Variants in MRPL17 observed in about 807,000 individuals in gnomAD.
MRPL17 encodes the protein mitochondrial ribosomal protein L17, also known as large ribosomal subunit protein bL17m.
In MRPL17, 8 loss-of-function variants were observed where a neutral mutation model predicts 12.0. The observed-to-expected ratio is 0.67, with a 90% CI of 0.39 to 1.21. MRPL17 has a LOEUF of 1.21. MRPL17 is among the 50% of genes most tolerant of loss of function. The pLI, the probability that MRPL17 is intolerant of heterozygous loss-of-function variation, is 0.01. For missense variants in MRPL17, 263 were observed against 234.4 expected (o/e 1.12, Z -0.80); for synonymous variants, 107 against 92.9 (o/e 1.15, Z -0.87).
At position 6,682,140 on chromosome 11, in the gene MRPL17, G is replaced by A. The variant is rs1846571696; in HGVS notation, c.506C>T (p.Thr169Ile). Residue 169 changes from threonine (T) to isoleucine (I), a missense_variant, in exon 3 of 3, where the codon ACA becomes ATA. Physicochemically the swap from Thr to Ile is moderately conservative, Grantham distance 89. Transcript: ENST00000288937. ...SQEASNHSSH[T>I]AQTPGI The stretch of plus-strand genomic sequence containing the variant: ...CAGTTAAATCCCTGGTGTTTGAGCT[G>A]TGTGGGAGCTGTGGTTGCTTGCTTC... The A allele has an allele frequency of 1.2e-6, 2 of 1,613,522 alleles. No homozygotes were observed. The highest frequency in any genetic ancestry group is 1.7e-6 in the Non-Finnish European group (2 of 1,179,726).
At position 6,682,785 on chromosome 11, in the gene MRPL17, T is replaced by C; in HGVS notation, c.205A>G (p.Asn69Asp). 5 of 1,614,132 alleles carry C rather than the reference T, an allele frequency of 3.1e-6. No individual in the cohort carries two copies. The highest frequency in any genetic ancestry group is 1.1e-5 in the South Asian group (1 of 91,082). ...TCAGCCATGCGCATGGCTCGTTCGTTAGTGTCTCCCAGCTTCCCATAGTCG... is the reference window on the plus strand; with the variant it reads ...TCAGCCATGCGCATGGCTCGTTCGTCAGTGTCTCCCAGCTTCCCATAGTCG... ...LIDYGKLGDT[N>D]ERAMRMADFW... The change falls in exon 2 of 3, where the codon AAC (asparagine) becomes GAC (aspartate). Residue 69 changes from asparagine to aspartate, a missense_variant. By Grantham distance (23) the Asn-to-Asp change is conservative (BLOSUM62 1). Coordinates refer to ENST00000288937, the MANE Select transcript of MRPL17 (RefSeq NM_022061.4).
In MRPL17 at chr11:6,682,728, G is replaced by C; in HGVS notation, c.243+19C>G. ...GGGAGCAAAGGGTGGGATTTTGAAG[G>C]CAGATAGGTCGCACTCACTGTGAGC... On this transcript the variant is annotated intron_variant, in intron 2 of 2. Coordinates refer to ENST00000288937, the MANE Select transcript of MRPL17 (RefSeq NM_022061.4). 3 of 1,613,050 alleles carry C rather than the reference G, an allele frequency of 1.9e-6. No homozygotes were observed. Among genetic ancestry groups the C allele is most frequent in the Non-Finnish European group, 2.5e-6 (3 of 1,179,026 alleles).
At chr11:6,682,515 C>T (rs973970238) in intron 2 of MRPL17, 113 bp from the exon 3 acceptor site, 3 of 1,260,606 alleles carry the variant, frequency 2.4e-6, no homozygotes, top group African/African-American at 3.0e-5. Context: ...ACCTCCCCCT[C>T]CCCTCGCCAA....
rs371334523 is a variant in MRPL17 at position 6,682,421 on chromosome 11, A to G, written c.244-19T>C. The G allele has an allele frequency of 6.2e-7, 1 of 1,607,138 alleles. No individual in the cohort carries two copies. Among genetic ancestry groups the G allele is most frequent in the Non-Finnish European group, 8.5e-7 (1 of 1,174,796 alleles). ...CCTTCTCCTAGAGGGAGAATTATCC[A>G]AGAGACAGCAGAGTCAGGCAAAACT... On this transcript the variant is annotated intron_variant, in intron 2 of 2. Transcript: ENST00000288937.
rs1221394808 is a variant in MRPL17 at position 6,682,239 on chromosome 11, G to T, written c.407C>A (p.Pro136His). 6.2e-7 allele frequency: 1 copy of T among 1,614,052 alleles called. No individual in the cohort carries two copies. Among genetic ancestry groups the T allele is most frequent in the Non-Finnish European group, 8.5e-7 (1 of 1,180,038 alleles). ...GAGTGTAAGGTGGCTGTCTCTGCGA[G>T]GCAGAGGCAGGGGTGGGAGGCAATT... ...KGNCLPPLPL[P>H]RRDSHLTLLN... The change falls in exon 3 of 3, where the codon CCT (proline) becomes CAT (histidine). Residue 136 changes from proline (P) to histidine (H), a missense_variant. Transcript: ENST00000288937.
chr11:6,682,883 G>T, intron 1 of MRPL17, 68 bp from the exon 2 acceptor site: 1 of 1,494,444 alleles, frequency 6.7e-7, no homozygotes, highest in Non-Finnish European at 9.2e-7. Context: ...TTTCTCTAAT[G>T]CCGGAAGGCA....
Position 6,682,805 on chromosome 11 carries a change from T to C in MRPL17, c.185A>G (p.Tyr62Cys), listed in dbSNP as rs199522130. 9.2e-5 allele frequency: 149 copies of C among 1,614,058 alleles called. No homozygotes were observed. The highest frequency in any genetic ancestry group is 6.8e-4 in the Admixed American group (41 of 60,016). The change falls in exon 2 of 3, where the codon TAT (tyrosine) becomes TGT (cysteine). Residue 62 changes from tyrosine to cysteine, a missense_variant. By Grantham distance (194) the Tyr-to-Cys change is radical (BLOSUM62 -2). Transcript: ENST00000288937. ...MRGYAEKLID[Y>C]GKLGDTNERA... ...TTCGTTAGTGTCTCCCAGCTTCCCA[T>C]AGTCGATGAGCTGTGAGGACATAAC...
intron 1 of MRPL17, 86 bp from the exon 2 acceptor site, chr11:6,682,901 C>T (rs1203108164): frequency 7.1e-7 from 1 of 1,404,406 alleles, no homozygotes; most frequent in Non-Finnish European, 9.9e-7. Context: ...GCAATCCATT[C>T]TTTCCACTAG....
intron 2 of MRPL17, 77 bp from the exon 3 acceptor site, chr11:6,682,479 G>A: frequency 2.0e-6 from 3 of 1,505,886 alleles, no homozygotes; most frequent in South Asian, 1.2e-5. Context: ...CATTCCCAAA[G>A]GTAAGGTCCA....
rs983014013 is a variant in MRPL17, at chr11:6,681,163, G to A, written c.*955C>T. The A allele has an allele frequency of 1.3e-5, 2 of 152,162 alleles. No homozygotes were observed. Among genetic ancestry groups the A allele is most frequent in the African/African-American group, 4.8e-5 (2 of 41,412 alleles). 9.4% of individuals were successfully genotyped at this position (152,162 alleles called of 1,614,324 possible). A position where few individuals can be genotyped will look rare whatever the true frequency, so the allele number is the denominator to read the frequency against. On this transcript the variant is annotated 3_prime_UTR_variant, in exon 3 of 3. Coordinates refer to ENST00000288937, the MANE Select transcript of MRPL17 (RefSeq NM_022061.4). ...TCAAGTGTTTGGACCAAGACTGATG[G>A]CTCCTTTCTAAGTCCTTCCATAACT...
At position 6,682,126 on chromosome 11, in the gene MRPL17, C is replaced by A. The variant is rs1846571488; in HGVS notation, c.520G>T (p.Gly174Trp). The change falls in exon 3 of 3, where the codon GGG (glycine) becomes TGG (tryptophan). Residue 174 changes from glycine to tryptophan, a missense_variant. Physicochemically the swap from Gly to Trp is radical, Grantham distance 184 (BLOSUM62 -2). Coordinates refer to ENST00000288937, the MANE Select transcript of MRPL17 (RefSeq NM_022061.4). ...NHSSHTAQTPGI is the reference protein window; with the variant it reads ...NHSSHTAQTPWI ...AGACTCTTCAGATCCAGTTAAATCC[C>A]TGGTGTTTGAGCTGTGTGGGAGCTG... The A allele has an allele frequency of 6.2e-7, 1 of 1,610,672 alleles. No homozygotes were observed.
Position 6,682,083 on chromosome 11 carries a change from G to T in MRPL17, c.*35C>A. 2 of 1,580,416 alleles carry T rather than the reference G, an allele frequency of 1.3e-6. No individual in the cohort carries two copies. Among genetic ancestry groups the T allele is most frequent in the Non-Finnish European group, 1.7e-6 (2 of 1,160,200 alleles). On this transcript the variant is annotated 3_prime_UTR_variant, in exon 3 of 3. Coordinates refer to ENST00000288937, the MANE Select transcript of MRPL17 (RefSeq NM_022061.4). ...GTGCTCCAAAGGCCTGTGATCATGG[G>T]TACTGATTAAGGGCTGCAGACTCTT...
In MRPL17 at chr11:6,680,950, C is replaced by T. The variant is rs528699864; in HGVS notation, c.*1168G>A. 2 of 152,350 alleles carry T rather than the reference C, an allele frequency of 1.3e-5. No homozygotes were observed. Among genetic ancestry groups the T allele is most frequent in the African/African-American group, 2.4e-5 (1 of 41,572 alleles). The allele number at this position is 152,350 out of a possible 1,614,324, so 9.4% of individuals were successfully genotyped here. ...ACTAAGGCAGCTACAGCTAAATTAG[C>T]ACCAGAATAGTTCGTTCTGTCACTG... On this transcript the variant is annotated 3_prime_UTR_variant, in exon 3 of 3. Coordinates refer to ENST00000288937, the MANE Select transcript of MRPL17 (RefSeq NM_022061.4).
At position 6,680,505 on chromosome 11, in the gene MRPL17, A is replaced by T. The variant is rs1403393356; in HGVS notation, c.*1613T>A. Among the ~76,000 whole-genome samples the T allele has an allele frequency of 6.6e-6, 1 of 152,202 alleles. No homozygotes were observed. Among genetic ancestry groups the T allele is most frequent in the Non-Finnish European group, 1.5e-5 (1 of 68,034 alleles). On this transcript the variant is annotated 3_prime_UTR_variant, in exon 3 of 3. Coordinates refer to ENST00000288937, the MANE Select transcript of MRPL17 (RefSeq NM_022061.4). Reference sequence around the variant, plus strand: ...TCTTATCTCTAGTCTCTATTAGATGAACAGTGGATATTGTATCCCTTCTGC... The same window carrying T: ...TCTTATCTCTAGTCTCTATTAGATGTACAGTGGATATTGTATCCCTTCTGC...
rs1027307296 is a variant in MRPL17, at chr11:6,681,514, C to G, written c.*604G>C. On this transcript the variant is annotated 3_prime_UTR_variant, in exon 3 of 3. Coordinates refer to ENST00000288937, the MANE Select transcript of MRPL17 (RefSeq NM_022061.4). ...TTCTTGGGTCCTCTCCTCCCAGGCC[C>G]ATTCAGGGGGTTGAAGGGAACACAT... is the stretch of plus-strand genomic sequence containing the variant. 7 of 152,244 alleles carry G rather than the reference C, an allele frequency of 4.6e-5. No homozygotes were observed. The highest frequency in any genetic ancestry group is 1.7e-4 in the African/African-American group (7 of 41,438). 9.4% of individuals were successfully genotyped at this position (152,244 alleles called of 1,614,324 possible).
In MRPL17 at chr11:6,683,259, C is replaced by A. The variant is rs754977836; in HGVS notation, c.38G>T (p.Arg13Leu). ...ACCGAGGCCCATACGGCGAAATACG[C>A]GGCCATGGGAGATCGCTGCAGCGAC... ...LSVAAAISHGRVFRRMGLGPE... is the reference protein window; with the variant it reads ...LSVAAAISHGLVFRRMGLGPE... The change falls in exon 1 of 3, where the codon CGC becomes CTC. Residue 13 changes from arginine to leucine, a missense_variant. Coordinates refer to ENST00000288937, the MANE Select transcript of MRPL17 (RefSeq NM_022061.4). The A allele has an allele frequency of 3.1e-6, 5 of 1,613,938 alleles. No homozygotes were observed. The Admixed American group carries it at 6.7e-5, about 22-fold the overall frequency.
At position 6,682,209 on chromosome 11, in the gene MRPL17, T is replaced by G. The variant is rs1589972781; in HGVS notation, c.437A>C (p.Asn146Thr). 1 of 1,614,144 alleles carries G rather than the reference T, an allele frequency of 6.2e-7. No individual in the cohort carries two copies. The highest frequency in any genetic ancestry group is 1.7e-5 in the Admixed American group (1 of 60,022). The change falls in exon 3 of 3, where the codon AAC (asparagine) becomes ACC (threonine). Residue 146 changes from asparagine (N) to threonine (T), a missense_variant. Asn to Thr is a moderately conservative substitution (Grantham distance 65). Coordinates refer to ENST00000288937, the MANE Select transcript of MRPL17 (RefSeq NM_022061.4). ...PRRDSHLTLL[N>T]QLLQGLRQDL... ...CTGCCGCAAACCCTGCAGCAGCTGG[T>G]TTAGGAGTGTAAGGTGGCTGTCTCT... is the stretch of plus-strand genomic sequence containing the variant.
At position 6,681,914 on chromosome 11, in the gene MRPL17, A is replaced by G; in HGVS notation, c.*204T>C. On this transcript the variant is annotated 3_prime_UTR_variant, in exon 3 of 3. Transcript: ENST00000288937. ...TCTCCAGAAATCCCACAGGAAGGAAAAAATAAATAAATTTATATATATTCA... is the reference window on the plus strand; with the variant it reads ...TCTCCAGAAATCCCACAGGAAGGAAGAAATAAATAAATTTATATATATTCA... 2 of 353,098 alleles carry G rather than the reference A, an allele frequency of 5.7e-6. No homozygotes were observed. Among genetic ancestry groups the G allele is most frequent in the Non-Finnish European group, 4.9e-6 (1 of 205,008 alleles). 21.9% of individuals were successfully genotyped at this position (353,098 alleles called of 1,614,324 possible).
chr11:6,681,917 A>AC lies in MRPL17; in HGVS notation c.*200_*201insG. On this transcript the variant is annotated 3_prime_UTR_variant, in exon 3 of 3. Transcript: ENST00000288937. ...CCAGAAATCCCACAGGAAGGAAAAA[A>AC]TAAATAAATTTATATATATTCATAT... The AC allele has an allele frequency of 2.8e-6, 1 of 357,846 alleles. No homozygotes were observed. Among genetic ancestry groups the AC allele is most frequent in the Middle Eastern group, 7.2e-4 (1 of 1,398 alleles). The allele number at this position is 357,846 out of a possible 1,614,324, so 22.2% of individuals were successfully genotyped here.
Sources: allele counts gnomAD v4.1 joint callset (sites outside exome capture counted in the v4.1 genomes callset), GRCh38; gene constraint gnomAD v4.1.1; transcripts MANE v1.5; gene names NCBI Gene and HGNC (gene_info 2026-07-23, HGNC 2026-07-21).